MIER2: variants seen among roughly 807,000 people sequenced by gnomAD.
The protein encoded by MIER2 is MIER family member 2.
MIER2 carries 30 observed loss-of-function variants against 67.6 expected under a neutral mutation model. That is an observed-to-expected ratio of 0.44 (90% CI 0.33 to 0.60). The LOEUF is 0.60. MIER2 is among the 20% of genes least tolerant of loss of function. The pLI, the probability that MIER2 is intolerant of heterozygous loss-of-function variation, is 0.02. For missense variants in MIER2, 702 were observed against 745.1 expected (o/e 0.94, Z 0.67); for synonymous variants, 372 against 312.6 (o/e 1.19, Z -2.00).
intron 7 of MIER2, among the ~76,000 whole-genome samples, chr19:315,876 G>A (rs895642612): frequency 3.3e-5 from 5 of 152,236 alleles, no homozygotes; most frequent in African/African-American, 9.6e-5. Context: ...ACACGAAGAC[G>A]TGTGCACAGG....
rs1568210926 is a variant in MIER2 at position 305,783 on chromosome 19, CGA to C, written c.*905_*906del. 6.6e-6 allele frequency: 1 copy of C among 152,506 alleles called. No individual in the cohort carries two copies. The highest frequency in any genetic ancestry group is 1.5e-5 in the Non-Finnish European group (1 of 68,098). The allele number at this position is 152,506 out of a possible 1,614,324, so 9.4% of individuals were successfully genotyped here. A position where few individuals can be genotyped will look rare whatever the true frequency, so the allele number is the denominator to read the frequency against. On this transcript the variant is annotated 3_prime_UTR_variant, in exon 14 of 14. Transcript: ENST00000264819. Reference sequence around the variant, plus strand: ...ACGTGTAAACAGAAACAGAAACGAACGAGAGGGCCAGGGAGGAGGGGGACCAG... The same window carrying C: ...ACGTGTAAACAGAAACAGAAACGAACGAGGGCCAGGGAGGAGGGGGACCAG...
intron 6 of MIER2, 61 bp downstream of exon 6, chr19:326,446 T>C (rs1197532342): frequency 4.7e-6 from 7 of 1,475,774 alleles, no homozygotes; most frequent in East Asian, 2.3e-5. Context: ...GGATGCCAGG[T>C]TGGGGAGACG....
At chr19:337,895 T>C (rs1453763221) in intron 1 of MIER2, among the ~76,000 whole-genome samples, 6 of 72,244 alleles carry the variant, frequency 8.3e-5, no homozygotes, top group Admixed American at 3.4e-4. Context: ...AAAAAAAGGC[T>C]GGGCGCAGTG....
chr19:335,967 G>T, intron 2 of MIER2, 116 bp downstream of exon 2: 1 of 986,610 alleles, frequency 1.0e-6, no homozygotes, highest in East Asian at 2.5e-5. Context: ...GGGACACCCT[G>T]GACTCTGGAA....
intron 4 of MIER2, 50 bp downstream of exon 4, chr19:327,814 G>C (rs1568231603): frequency 6.2e-7 from 1 of 1,602,696 alleles, no homozygotes; most frequent in South Asian, 1.1e-5. Flanking sequence ...GCAGCGCCAG[G>C]CCCCCCCACC....
chr19:305,600 A>C lies in MIER2; in HGVS notation c.*1090T>G, dbSNP rs980437392. On this transcript the variant is annotated 3_prime_UTR_variant, in exon 14 of 14. Coordinates refer to ENST00000264819, the MANE Select transcript of MIER2 (RefSeq NM_017550.3). ...GGGCTTCAAATCAAGTTTAATAAAT[A>C]AAACAGCAAAGGGGGGTTCAAGGCA... 6.6e-6 allele frequency: 1 copy of C among 152,414 alleles called. No homozygotes were observed. Among genetic ancestry groups the C allele is most frequent in the Non-Finnish European group, 1.5e-5 (1 of 68,058 alleles). The allele number at this position is 152,414 out of a possible 1,614,324, so 9.4% of individuals were successfully genotyped here. A position where few individuals can be genotyped will look rare whatever the true frequency, so the allele number is the denominator to read the frequency against.
intron 3 of MIER2, among the ~76,000 whole-genome samples, chr19:332,059 C>A (rs546660279): frequency 6.6e-6 from 1 of 152,098 alleles, no homozygotes; most frequent in Non-Finnish European, 1.5e-5. Flanking sequence ...AAAATTCAGT[C>A]TTCTAATTTT....
chr19:339,062 C>T (rs1205230062), intron 1 of MIER2, among the ~76,000 whole-genome samples: 1 of 140,710 alleles, frequency 7.1e-6, no homozygotes, highest in Non-Finnish European at 1.5e-5. Context: ...AGATAAGACA[C>T]CAAAATCACA....
chr19:334,532 C>T lies in MIER2; in HGVS notation c.111G>A (p.Met37Ile). The T allele has an allele frequency of 6.2e-7, 1 of 1,613,936 alleles. No individual in the cohort carries two copies. Among genetic ancestry groups the T allele is most frequent in the Non-Finnish European group, 8.5e-7 (1 of 1,179,990 alleles). ...GGTTGAACTGATGGTCTCCAGAGCC[C>T]ATGGACACCACTGGGGAGAAGAGAG... ...PGLQTTAVVS[M>I]GSGDHQFNLA... Residue 37 changes from methionine to isoleucine, a missense_variant, in exon 3 of 14, where the codon ATG (methionine) becomes ATA (isoleucine). By Grantham distance (10) the Met-to-Ile change is conservative. Around this residue, in one of 3 missense-constraint regions of MIER2, gnomAD observed 320 missense variants for 292.6 expected, o/e 1.09. Transcript: ENST00000264819.
chr19:337,815 GC>G (rs1354205967), intron 1 of MIER2, among the ~76,000 whole-genome samples: 1 of 141,568 alleles, frequency 7.1e-6, no homozygotes, highest in Non-Finnish European at 1.5e-5. Flanking sequence ...GCTGCAGTGA[GC>G]CGAGATCGTG....
At chr19:312,095 C>T (rs1031234887) in intron 9 of MIER2, 96 bp downstream of exon 9, 23 of 1,270,530 alleles carry the variant, frequency 1.8e-5, no homozygotes, top group East Asian at 1.0e-4. Flanking sequence ...GCGCCCAGGG[C>T]GGGGCCGCAG....
intron 10 of MIER2, among the ~76,000 whole-genome samples, chr19:309,159 C>T (rs1323875819): frequency 6.6e-6 from 1 of 152,152 alleles, no homozygotes; most frequent in African/African-American, 2.4e-5. Flanking sequence ...CAAGCCCCCT[C>T]AGAGCCCTCC....
At chr19:326,866 C>T (rs565160840) in intron 5 of MIER2, 207 of 580,604 alleles carry the variant, frequency 3.6e-4, no homozygotes, top group African/African-American at 3.2e-3. Context: ...TGAAGGAGGC[C>T]GGTTCTGGGA....
chr19:337,914 C>T (rs1004808049), intron 1 of MIER2, among the ~76,000 whole-genome samples: 11 of 145,346 alleles, frequency 7.6e-5, no homozygotes, highest in African/African-American at 2.6e-4. Context: ...TGGCTCACGC[C>T]TGTAATCCCA....
chr19:344,169 G>A (rs1477486333), intron 1 of MIER2: 5 of 985,272 alleles, frequency 5.1e-6, no homozygotes, highest in African/African-American at 3.5e-5. Flanking sequence ...CAGCCCCGAC[G>A]CTCTCTAGGC....
Position 305,868 on chromosome 19 carries a change from G to C in MIER2, c.*822C>G, listed in dbSNP as rs1438487390. The C allele has an allele frequency of 5.2e-5, 8 of 152,456 alleles. No individual in the cohort carries two copies. Among genetic ancestry groups the C allele is most frequent in the African/African-American group, 1.7e-4 (7 of 41,470 alleles). 9.4% of individuals were successfully genotyped at this position (152,456 alleles called of 1,614,324 possible). On this transcript the variant is annotated 3_prime_UTR_variant, in exon 14 of 14. Transcript: ENST00000264819. ...CAGAAGGAAGACCTGCAGGGCTGGGGAAACAGGCTGGAGTCTGGCCCCTGC... is the reference window on the plus strand; with the variant it reads ...CAGAAGGAAGACCTGCAGGGCTGGGCAAACAGGCTGGAGTCTGGCCCCTGC...
intron 10 of MIER2, among the ~76,000 whole-genome samples, chr19:310,309 G>A (rs1434590674): frequency 6.6e-6 from 1 of 152,228 alleles, no homozygotes; most frequent in African/African-American, 2.4e-5. Flanking sequence ...GAACAACGTG[G>A]GGTCCTGCCT....
chr19:337,818 G>A (rs1385054257), intron 1 of MIER2, among the ~76,000 whole-genome samples: 13 of 138,408 alleles, frequency 9.4e-5, no homozygotes, highest in East Asian at 2.2e-4. Context: ...GCAGTGAGCC[G>A]AGATCGTGCC....
At chr19:336,534 A>G (rs956756636) in intron 1 of MIER2, among the ~76,000 whole-genome samples, 11 of 152,220 alleles carry the variant, frequency 7.2e-5, no homozygotes, top group Admixed American at 3.9e-4. Context: ...ACCAACGGCC[A>G]CAGCGTAGGG....
Sources: allele counts gnomAD v4.1 joint callset (sites outside exome capture counted in the v4.1 genomes callset), GRCh38; gene constraint gnomAD v4.1.1; regional missense constraint gnomAD v4.1.1; transcripts MANE v1.5; gene names NCBI Gene and HGNC (gene_info 2026-07-23, HGNC 2026-07-21).